ULK4: variants seen among roughly 807,000 people sequenced by gnomAD.
The protein encoded by ULK4 is unc-51 like kinase 4.
A neutral mutation model predicts 160.6 loss-of-function variants in ULK4; 133 were observed. That is an observed-to-expected ratio of 0.83 (90% CI 0.72 to 0.96). The LOEUF is 0.96. ULK4 is among the 40% of genes least tolerant of loss of function. The pLI is 0.00. For synonymous variants in ULK4, 534 were observed against 539.8 expected (o/e 0.99, Z 0.15); for missense variants, 1,580 against 1,499.5 (o/e 1.05, Z -0.89).
intron 31 of ULK4, among the ~76,000 whole-genome samples, chr3:41,579,498 T>A (rs1439530858): frequency 1.4e-5 from 2 of 143,216 alleles, no homozygotes; most frequent in African/African-American, 5.2e-5. Context: ...TTTTTTTTTT[T>A]TTTTTTTTTT....
At chr3:41,767,211 T>C (rs1400460289) in intron 21 of ULK4, among the ~76,000 whole-genome samples, 1 of 152,194 alleles carries the variant, frequency 6.6e-6, no homozygotes, top group Non-Finnish European at 1.5e-5. Context: ...AGTTGAAGCA[T>C]GTTAATTTTC....
At chr3:41,731,619 G>GA (rs1290025364) in intron 22 of ULK4, among the ~76,000 whole-genome samples, 50 of 117,372 alleles carry the variant, frequency 4.3e-4, no homozygotes, top group Middle Eastern at 5.3e-3. Context: ...CACAGAAACA[G>GA]AAAAAAAATT....
chr3:41,369,569 G>A (rs376456783), intron 35 of ULK4, among the ~76,000 whole-genome samples: 1 of 151,690 alleles, frequency 6.6e-6, no homozygotes, highest in Admixed American at 6.6e-5. Context: ...AAGGTGGGTG[G>A]ATCACCTGAG....
intron 22 of ULK4, among the ~76,000 whole-genome samples, chr3:41,718,557 T>A (rs1384512014): frequency 6.6e-6 from 1 of 152,188 alleles, no homozygotes; most frequent in African/African-American, 2.4e-5. Context: ...TCCCCTTTGC[T>A]GGACCTACTA....
chr3:41,364,668 T>C (rs745440009), intron 35 of ULK4, among the ~76,000 whole-genome samples: 3 of 152,198 alleles, frequency 2.0e-5, no homozygotes. Context: ...ATTAAAGAAA[T>C]AGAAAGATTT....
At position 41,797,141 on chromosome 3, in the gene ULK4, T is replaced by G. The variant is rs1360282177; in HGVS notation, c.2010+2991A>C. 3.3e-5 allele frequency among the ~76,000 whole-genome samples: 5 copies of G among 151,762 alleles called. No homozygotes were observed. The East Asian group carries it at 9.7e-4, about 29-fold the overall frequency. ...GCTTCCTCAAAATAGAATTCCAACT[T>G]ATATATACAAGGCCATCAAAATAAT... On this transcript the variant is annotated intron_variant, in intron 20 of 36. Transcript: ENST00000301831.
intron 32 of ULK4, 46 bp from the exon 33 acceptor site, chr3:41,463,299 C>T: frequency 1.3e-6 from 2 of 1,576,816 alleles, no homozygotes. Flanking sequence ...ATTAAGTACA[C>T]AAATGTGTCA....
At chr3:41,379,873 G>C (rs1217932636) in intron 35 of ULK4, among the ~76,000 whole-genome samples, 2 of 152,170 alleles carry the variant, frequency 1.3e-5, no homozygotes, top group Non-Finnish European at 2.9e-5. Context: ...GGTAGTGAGA[G>C]TGGCAGAGGA....
At chr3:41,895,185 G>A (rs1036968862) in intron 16 of ULK4, among the ~76,000 whole-genome samples, 11 of 152,178 alleles carry the variant, frequency 7.2e-5, no homozygotes, top group South Asian at 2.1e-4. Context: ...AGAGATGGGA[G>A]AATCACTTGA....
chr3:41,664,103 C>T (rs59743734), intron 29 of ULK4, among the ~76,000 whole-genome samples: 3,268 of 152,264 alleles, frequency 0.021, 112 homozygotes, highest in African/African-American at 0.075. Flanking sequence ...CACTTTCCAA[C>T]GCTGATAATG....
chr3:41,643,785 T>C (rs2034350660), intron 30 of ULK4, among the ~76,000 whole-genome samples: 1 of 152,198 alleles, frequency 6.6e-6, no homozygotes, highest in African/African-American at 2.4e-5. Context: ...CCTTGGGCAG[T>C]ATGGCCATTT....
At chr3:41,305,691 ATG>A in intron 35 of ULK4, among the ~76,000 whole-genome samples, 2 of 141,488 alleles carry the variant, frequency 1.4e-5, no homozygotes, top group Middle Eastern at 8.7e-3. Context: ...ATCGTCTGGG[ATG>A]TGAGGAGCCC....
intron 16 of ULK4, among the ~76,000 whole-genome samples, chr3:41,891,859 T>G (rs1166353303): frequency 6.6e-6 from 1 of 152,100 alleles, no homozygotes; most frequent in East Asian, 1.9e-4. Context: ...GAGCTGAGAT[T>G]GTGCCACTGC....
chr3:41,797,563 T>A (rs889277888), intron 20 of ULK4, among the ~76,000 whole-genome samples: 8 of 152,190 alleles, frequency 5.3e-5, no homozygotes, highest in Admixed American at 2.6e-4. Flanking sequence ...TAAAGAGCTA[T>A]GAAAACAAAA....
chr3:41,323,439 C>CACACACACACA (rs1575432269), intron 35 of ULK4, among the ~76,000 whole-genome samples: 2 of 140,266 alleles, frequency 1.4e-5, no homozygotes, highest in Admixed American at 7.1e-5. Context: ...CACACACACA[C>CACACACACACA]CAAAAACCAA....
At chr3:41,580,376 ATT>A (rs554626822) in intron 31 of ULK4, among the ~76,000 whole-genome samples, 111 of 147,550 alleles carry the variant, frequency 7.5e-4, no homozygotes, top group African/African-American at 2.7e-3. Flanking sequence ...CCAATTATTT[ATT>A]TTTTTTTTTT....
At chr3:41,897,835 GATGA>G (rs1213565017) in intron 14 of ULK4, among the ~76,000 whole-genome samples, 101 of 151,990 alleles carry the variant, frequency 6.6e-4, no homozygotes, top group Non-Finnish European at 9.1e-4. Context: ...CTCTAGCCAC[GATGA>G]ATAATTTTCC....
At chr3:41,909,092 CAAAAA>C (rs59762077) in intron 11 of ULK4, among the ~76,000 whole-genome samples, 16 of 106,354 alleles carry the variant, frequency 1.5e-4, no homozygotes, top group Non-Finnish European at 2.3e-4. Context: ...CACTCCATCT[CAAAAA>C]AAAAAAAAAA....
intron 35 of ULK4, among the ~76,000 whole-genome samples, chr3:41,325,801 C>G (rs2080329938): frequency 6.6e-6 from 1 of 152,004 alleles, no homozygotes; most frequent in Admixed American, 6.6e-5. Context: ...CACCTGTAAT[C>G]CCAGCTACTC....
Sources: gnomAD v4.1 joint callset for allele counts (sites outside exome capture counted in the v4.1 genomes callset) on GRCh38, gnomAD v4.1.1 for gene constraint, MANE v1.5 for transcripts, NCBI Gene and HGNC (gene_info 2026-07-23, HGNC 2026-07-21) for gene names.